Variants in PSCA observed in about 807,000 individuals in gnomAD.
PSCA encodes prostate stem cell antigen.
A neutral mutation model predicts 7.9 loss-of-function variants in PSCA; 7 were observed. The observed-to-expected ratio is 0.89, with a 90% CI of 0.51 to 1.67. The LOEUF is 1.67. Among genes scored for constraint, PSCA ranks in the 40% most tolerant of loss-of-function variants. The pLI is 0.00. For synonymous variants in PSCA, 61 were observed against 68.3 expected (o/e 0.89, Z 0.53); for missense variants, 151 against 147.9 (o/e 1.02, Z -0.11).
chr8:142,671,771 C>G (rs587646769), intron 1 of PSCA, among the ~76,000 whole-genome samples: 129 of 152,282 alleles, frequency 8.5e-4, no homozygotes, highest in Middle Eastern at 3.4e-3. Flanking sequence ...TGGTCTCGAG[C>G]TCGTGGACTC....
chr8:142,681,259 C>A, intron 1 of PSCA, 68 bp from the exon 2 acceptor site: 1 of 1,269,746 alleles, frequency 7.9e-7, no homozygotes, highest in South Asian at 1.3e-5. Flanking sequence ...GCCCACCTGC[C>A]TGGGAGCCCC....
chr8:142,677,302 G>A (rs587648917), upstream of PSCA, among the ~76,000 whole-genome samples: 2 of 152,332 alleles, frequency 1.3e-5, no homozygotes, highest in South Asian at 4.1e-4. Flanking sequence ...GGATGCTGGG[G>A]CTGCGGATTC....
chr8:142,681,063 T>C, intron 1 of PSCA: 1 of 492,594 alleles, frequency 2.0e-6, no homozygotes, highest in East Asian at 3.5e-5. Flanking sequence ...CGACCCAGGG[T>C]CCCGGGTTCA....
chr8:142,672,220 T>C (rs115952939), intron 1 of PSCA, among the ~76,000 whole-genome samples: 123 of 152,194 alleles, frequency 8.1e-4, no homozygotes, highest in African/African-American at 2.8e-3. Context: ...ATCCAGATCC[T>C]CTACCCTCAA....
rs782779354 is a variant in PSCA, at chr8:142,681,409, G to A, written c.108G>A (p.Gly36=). 2 of 1,593,294 alleles carry A rather than the reference G, an allele frequency of 1.3e-6. No individual in the cohort carries two copies. The highest frequency in any genetic ancestry group is 2.7e-5 in the African/African-American group (2 of 74,488). ...AGGTGGAGAACTGCACCCAGCTGGG[G>A]GAGCAGTGCTGGACCGCGCGCATCC... The part of the protein sequence containing the change: ...CLQVENCTQL[G]EQCWTARIRA... The change falls in exon 2 of 3, where the codon GGG becomes GGA. Residue 36 remains glycine, a synonymous_variant. Transcript: ENST00000301258.
chr8:142,671,731 G>A (rs2129849799), intron 1 of PSCA, among the ~76,000 whole-genome samples: 1 of 152,148 alleles, frequency 6.6e-6, no homozygotes, highest in East Asian at 1.9e-4. Context: ...AATTTTTTGT[G>A]GAAACGAGGT....
Position 142,681,404 on chromosome 8 carries a change from C to T in PSCA, c.103C>T (p.Leu35=). 1.3e-6 allele frequency: 2 copies of T among 1,593,714 alleles called. No individual in the cohort carries two copies. The highest frequency in any genetic ancestry group is 1.7e-6 in the Non-Finnish European group (2 of 1,170,430). The part of the protein sequence containing the change: ...DCLQVENCTQ[L]GEQCWTARIR... ...CCTGCAGGTGGAGAACTGCACCCAGCTGGGGGAGCAGTGCTGGACCGCGCG... is the reference window on the plus strand; with the variant it reads ...CCTGCAGGTGGAGAACTGCACCCAGTTGGGGGAGCAGTGCTGGACCGCGCG... The change falls in exon 2 of 3, where the codon CTG becomes TTG. Residue 35 remains leucine (L), a synonymous_variant. Coordinates refer to ENST00000301258, the MANE Select transcript of PSCA (RefSeq NM_005672.5).
chr8:142,677,101 C>A (rs587758316), upstream of PSCA, among the ~76,000 whole-genome samples: 13 of 152,300 alleles, frequency 8.5e-5, no homozygotes, highest in African/African-American at 2.9e-4. Flanking sequence ...CAGGGTGGGG[C>A]CGTAACCAGG....
chr8:142,678,671 G>A (rs1193589315), upstream of PSCA, among the ~76,000 whole-genome samples: 1 of 151,132 alleles, frequency 6.6e-6, no homozygotes, highest in Non-Finnish European at 1.5e-5. Flanking sequence ...GGAGAGCCTG[G>A]GCCTGCTCTA....
chr8:142,675,735 T>TCA (rs782667744), upstream of PSCA, among the ~76,000 whole-genome samples: 3 of 152,008 alleles, frequency 2.0e-5, no homozygotes, highest in Non-Finnish European at 2.9e-5. Flanking sequence ...CAGTCACATA[T>TCA]CACACACACA....
chr8:142,682,259 C>A lies in PSCA; in HGVS notation c.*127C>A. Reference sequence around the variant, plus strand: ...AGGCACATCCTAACGCAAGTCTGACCATGTATGTCTGCGCCCCTGTCCCCC... The same window carrying A: ...AGGCACATCCTAACGCAAGTCTGACAATGTATGTCTGCGCCCCTGTCCCCC... On this transcript the variant is annotated 3_prime_UTR_variant, in exon 3 of 3. Transcript: ENST00000301258. 8.4e-7 allele frequency: 1 copy of A among 1,194,496 alleles called. No homozygotes were observed. Among genetic ancestry groups the A allele is most frequent in the Non-Finnish European group, 1.2e-6 (1 of 835,014 alleles). The allele number at this position is 1,194,496 out of a possible 1,614,324, so 74.0% of individuals were successfully genotyped here.
chr8:142,681,690 C>T, intron 2 of PSCA: 2 of 605,920 alleles, frequency 3.3e-6, no homozygotes, highest in Non-Finnish European at 5.9e-6. Flanking sequence ...TCCCTGAGCT[C>T]ACTTACTCAC....
upstream of PSCA, among the ~76,000 whole-genome samples, chr8:142,678,955 A>C: frequency 7.8e-6 from 1 of 127,714 alleles, no homozygotes; most frequent in Non-Finnish European, 1.7e-5. Flanking sequence ...GCCACCACCC[A>C]CCGCCCAGCT....
chr8:142,678,607 C>A (rs587619698), upstream of PSCA, among the ~76,000 whole-genome samples: 70 of 152,334 alleles, frequency 4.6e-4, no homozygotes, highest in African/African-American at 1.6e-3. Context: ...CTGACGGGAC[C>A]TGGGCCTTCT....
chr8:142,677,685 C>T (rs1443000552), upstream of PSCA, among the ~76,000 whole-genome samples: 2 of 151,998 alleles, frequency 1.3e-5, no homozygotes, highest in Non-Finnish European at 2.9e-5. Context: ...TATGAGGCCC[C>T]TTGTCCTGAG....
upstream of PSCA, chr8:142,680,190 A>C: frequency 3.1e-6 from 1 of 323,468 alleles, no homozygotes; most frequent in Non-Finnish European, 5.9e-6. Flanking sequence ...AGTCTGGAGA[A>C]AGGGTCTCCC....
upstream of PSCA, among the ~76,000 whole-genome samples, chr8:142,679,000 C>T (rs1284299110): frequency 1.3e-5 from 2 of 152,032 alleles, no homozygotes; most frequent in Non-Finnish European, 2.9e-5. Context: ...CTCTAGAGGG[C>T]CATAGCCACT....
chr8:142,681,664 CATCT>C (rs1273271529), intron 2 of PSCA: 22 of 613,168 alleles, frequency 3.6e-5, no homozygotes, highest in Admixed American at 2.9e-4. Flanking sequence ...CTCCTCCACC[CATCT>C]GTCCCTCCCC....
chr8:142,677,471 C>G (rs1176130492), upstream of PSCA, among the ~76,000 whole-genome samples: 1 of 152,240 alleles, frequency 6.6e-6, no homozygotes, highest in African/African-American at 2.4e-5. Context: ...TTACAGCAAT[C>G]ACTGTGTATC....
Sources: gnomAD v4.1 joint callset for allele counts (sites outside exome capture counted in the v4.1 genomes callset) on GRCh38, gnomAD v4.1.1 for gene constraint, MANE v1.5 for transcripts, NCBI Gene and HGNC (gene_info 2026-07-23, HGNC 2026-07-21) for gene names.